NBEAL1: variants seen among roughly 807,000 people sequenced by gnomAD.
NBEAL1 encodes the protein neurobeachin like 1.
Under a neutral mutation model 351.3 loss-of-function variants are expected in NBEAL1, and 273 were observed. The observed-to-expected ratio is 0.78, with a 90% CI of 0.70 to 0.86. The LOEUF is 0.86. Among genes scored for constraint, NBEAL1 ranks in the 40% least tolerant of loss-of-function variants. NBEAL1 has a pLI of 0.00. For synonymous variants in NBEAL1, 1,050 were observed against 1,086.4 expected (o/e 0.97, Z 0.66); for missense variants, 2,961 against 3,201.3 (o/e 0.92, Z 1.81).
At chr2:203,014,794 T>A (rs2060648434), upstream of NBEAL1, 1 of 152,252 alleles carries the variant, frequency 6.6e-6, no homozygotes, top group Admixed American at 6.5e-5. Context: ...GCTGGGTAAA[T>A]CCTCAGCGGC....
At chr2:203,205,215 C>G (rs2065519490) in intron 51 of NBEAL1, among the ~76,000 whole-genome samples, 1 of 151,968 alleles carries the variant, frequency 6.6e-6, no homozygotes, top group Non-Finnish European at 1.5e-5. Flanking sequence ...AATGAAATTT[C>G]AAACTTGTAA....
At chr2:203,064,353 A>G (rs868620746) in intron 6 of NBEAL1, among the ~76,000 whole-genome samples, 12 of 152,108 alleles carry the variant, frequency 7.9e-5, no homozygotes, top group Admixed American at 6.6e-4. Flanking sequence ...GCGCCCGGCC[A>G]TGTGTATGGT....
chr2:203,194,566 T>A (rs976909975), intron 47 of NBEAL1, among the ~76,000 whole-genome samples: 4 of 152,222 alleles, frequency 2.6e-5, no homozygotes, highest in Non-Finnish European at 5.9e-5. Flanking sequence ...TTGTCTCAAA[T>A]AATAACTTAT....
intron 3 of NBEAL1, among the ~76,000 whole-genome samples, chr2:203,048,835 C>G (rs1199241324): frequency 6.6e-6 from 1 of 151,300 alleles, no homozygotes; most frequent in Non-Finnish European, 1.5e-5. Flanking sequence ...TGATATATTA[C>G]TTTTTAAAGT....
In NBEAL1 at chr2:203,083,497, A is replaced by G. The variant is rs1390586510; in HGVS notation, c.963A>G (p.Arg321=). 1.3e-6 allele frequency: 2 copies of G among 1,549,732 alleles called. No homozygotes were observed. The highest frequency in any genetic ancestry group is 3.9e-5 in the Admixed American group (2 of 50,746). ...NQRRSRQWEN[R]FIALQIKMLN... ...GGAGGTCCAGACAGTGGGAAAACCGATTTATTGCTCTACAGATCAAAATGC... is the reference window on the plus strand; with the variant it reads ...GGAGGTCCAGACAGTGGGAAAACCGGTTTATTGCTCTACAGATCAAAATGC... Residue 321 remains arginine (R), a synonymous_variant, in exon 9 of 56, where the codon CGA becomes CGG. Coordinates refer to ENST00000683969, the MANE Select transcript of NBEAL1 (RefSeq NM_001378026.1).
chr2:203,203,372 G>A (rs904826556), intron 51 of NBEAL1, among the ~76,000 whole-genome samples: 2 of 151,262 alleles, frequency 1.3e-5, no homozygotes, highest in East Asian at 1.9e-4. Flanking sequence ...ATGGGGTTTC[G>A]CCATGTTGGC....
intron 24 of NBEAL1, among the ~76,000 whole-genome samples, chr2:203,128,601 C>CTTTTTTT (rs35686158): frequency 7.2e-6 from 1 of 139,350 alleles, no homozygotes; most frequent in Non-Finnish European, 1.5e-5. Context: ...AGATTTCTTT[C>CTTTTTTT]TTTTTTTTTT....
chr2:203,033,702 C>T (rs886302456), intron 2 of NBEAL1, among the ~76,000 whole-genome samples: 3 of 152,154 alleles, frequency 2.0e-5, no homozygotes, highest in Admixed American at 6.5e-5. Context: ...TATCTATTAT[C>T]ATCCAAGTGA....
Position 203,016,254 on chromosome 2 carries a change from C to T in NBEAL1, c.-131C>T. 1.9e-6 allele frequency: 1 copy of T among 516,332 alleles called. No individual in the cohort carries two copies. The highest frequency in any genetic ancestry group is 3.2e-6 in the Non-Finnish European group (1 of 309,866). 32.0% of individuals were successfully genotyped at this position (516,332 alleles called of 1,614,324 possible). On this transcript the variant is annotated 5_prime_UTR_variant, in exon 2 of 56. Coordinates refer to ENST00000683969, the MANE Select transcript of NBEAL1 (RefSeq NM_001378026.1). ...ACCAGAGGACAGTCCATTTGTTTCA[C>T]TTCTTTTTGCTTTCTTTACTGCTAT... is the stretch of plus-strand genomic sequence containing the variant.
At chr2:203,098,820 G>A (rs2062242179) in intron 11 of NBEAL1, among the ~76,000 whole-genome samples, 2 of 151,930 alleles carry the variant, frequency 1.3e-5, no homozygotes, top group Admixed American at 6.6e-5. Context: ...ATATTTAATT[G>A]TTTATAAGTA....
chr2:203,163,756 G>T (rs2064041574), intron 36 of NBEAL1, among the ~76,000 whole-genome samples: 6 of 152,058 alleles, frequency 3.9e-5, no homozygotes, highest in African/African-American at 1.4e-4. Flanking sequence ...AGTGGTATTT[G>T]TTGTTTAAAT....
intron 12 of NBEAL1, among the ~76,000 whole-genome samples, chr2:203,106,243 C>T (rs1264911094): frequency 1.3e-5 from 2 of 152,222 alleles, no homozygotes; most frequent in Non-Finnish European, 2.9e-5. Context: ...ACACTCTTAT[C>T]TGCCACATCT....
chr2:203,077,972 A>G (rs1287496186), intron 8 of NBEAL1, 135 bp downstream of exon 8: 4 of 423,958 alleles, frequency 9.4e-6, no homozygotes, highest in Non-Finnish European at 1.6e-5. Context: ...ATTGTAACTA[A>G]TCTACTTCTT....
chr2:203,209,648 A>G (rs980069699), intron 53 of NBEAL1, among the ~76,000 whole-genome samples: 1 of 152,068 alleles, frequency 6.6e-6, no homozygotes, highest in Non-Finnish European at 1.5e-5. Context: ...GGCAGGGTAT[A>G]AATAAACAAG....
chr2:203,119,708 G>A (rs1296342360), intron 18 of NBEAL1, among the ~76,000 whole-genome samples: 2 of 152,080 alleles, frequency 1.3e-5, no homozygotes, highest in South Asian at 2.1e-4. Context: ...TTACAGGTGT[G>A]AGCCACCGTG....
intron 35 of NBEAL1, among the ~76,000 whole-genome samples, chr2:203,152,049 C>T (rs1270516138): frequency 1.3e-5 from 2 of 151,932 alleles, no homozygotes; most frequent in Non-Finnish European, 2.9e-5. Context: ...CCTCTGCTTC[C>T]AGGGTTCAAG....
chr2:203,130,552 C>T, intron 25 of NBEAL1, 76 bp downstream of exon 25: 1 of 929,864 alleles, frequency 1.1e-6, no homozygotes, highest in Non-Finnish European at 1.4e-6. Context: ...TATATCCATT[C>T]TGTGACTATA....
intron 51 of NBEAL1, 56 bp from the exon 52 acceptor site, chr2:203,208,581 T>C: frequency 2.4e-6 from 3 of 1,271,364 alleles, no homozygotes; most frequent in Non-Finnish European, 3.4e-6. Flanking sequence ...ATAAACCTTG[T>C]GAAAAACAGG....
chr2:203,182,131 C>T (rs1195097783), intron 43 of NBEAL1: 1 of 151,920 alleles, frequency 6.6e-6, no homozygotes, highest in Non-Finnish European at 1.5e-5. Context: ...TTAATAAAAC[C>T]AACTCAAAAT....
Sources: allele counts gnomAD v4.1 joint callset (sites outside exome capture counted in the v4.1 genomes callset), GRCh38; gene constraint gnomAD v4.1.1; transcripts MANE v1.5; gene names NCBI Gene and HGNC (gene_info 2026-07-23, HGNC 2026-07-21).